UBAP2L: variants seen among roughly 807,000 people sequenced by gnomAD.
UBAP2L encodes ubiquitin associated protein 2 like, also known as ubiquitin-associated protein 2-like.
In UBAP2L, 12 loss-of-function variants were observed where a neutral mutation model predicts 130.6. The observed-to-expected ratio is 0.09, with a 90% CI of 0.06 to 0.15. The LOEUF is 0.15. UBAP2L is among the 10% of genes least tolerant of loss of function. The probability of loss-of-function intolerance (pLI) is 1.00; values close to 1 mark genes in which losing one functional copy is unlikely to be tolerated. For synonymous variants in UBAP2L, 503 were observed against 524.7 expected, an observed-to-expected ratio of 0.96 and a Z score of 0.57; for missense variants, 965 against 1,332.5, an observed-to-expected ratio of 0.72 and a Z score of 4.29.
intron 15 of UBAP2L, 77 bp downstream of exon 15, chr1:154,254,166 T>G (rs912452267): frequency 2.3e-6 from 3 of 1,299,312 alleles, no homozygotes; most frequent in African/African-American, 3.1e-5. Flanking sequence ...GTGTTTTACT[T>G]TTCAGCAAGT....
chr1:154,267,074 G>A (rs969368109), intron 25 of UBAP2L, among the ~76,000 whole-genome samples: 1 of 151,990 alleles, frequency 6.6e-6, no homozygotes, highest in African/African-American at 2.4e-5. Context: ...GGGGGTCTGG[G>A]GGGGCACTTC....
chr1:154,262,465 G>A (rs768900468), intron 24 of UBAP2L, among the ~76,000 whole-genome samples: 12 of 152,152 alleles, frequency 7.9e-5, no homozygotes, highest in Admixed American at 1.3e-4. Context: ...CCTTTTCAGC[G>A]ACTTGTAGAT....
At chr1:154,232,143 A>G (rs1435982144) in intron 4 of UBAP2L, among the ~76,000 whole-genome samples, 1 of 152,132 alleles carries the variant, frequency 6.6e-6, no homozygotes, top group African/African-American at 2.4e-5. Context: ...CCTGGCCAAC[A>G]TGGTGAAACC....
At chr1:154,226,983 C>T (rs1482274214) in intron 2 of UBAP2L, among the ~76,000 whole-genome samples, 4 of 152,102 alleles carry the variant, frequency 2.6e-5, no homozygotes, top group African/African-American at 7.2e-5. Context: ...CCACCACACC[C>T]GGCTAATTTT....
At chr1:154,230,663 T>C (rs1383303985) in intron 4 of UBAP2L, among the ~76,000 whole-genome samples, 2 of 152,208 alleles carry the variant, frequency 1.3e-5, no homozygotes, top group African/African-American at 2.4e-5. Flanking sequence ...ATCTTCTGTC[T>C]AGTGCTATAA....
At chr1:154,264,093 A>G (rs1467867596) in intron 24 of UBAP2L, among the ~76,000 whole-genome samples, 2 of 152,196 alleles carry the variant, frequency 1.3e-5, no homozygotes, top group African/African-American at 2.4e-5. Context: ...GTTTGGTCAG[A>G]TATCTCCTTG....
At chr1:154,221,032 CG>C in intron 1 of UBAP2L, 57 bp downstream of exon 1, 1 of 206,276 alleles carries the variant, frequency 4.8e-6, no homozygotes, top group Non-Finnish European at 9.9e-6. Context: ...GGCAGCGCGG[CG>C]GGGCCGGGTA....
At chr1:154,241,311 C>T (rs1033838057) in intron 8 of UBAP2L, among the ~76,000 whole-genome samples, 2 of 152,138 alleles carry the variant, frequency 1.3e-5, no homozygotes, top group African/African-American at 4.8e-5. Flanking sequence ...TGGTCTCGAA[C>T]TCCCGACCTC....
At position 154,221,642 on chromosome 1, in the gene UBAP2L, GA is replaced by G. The variant is rs1021903727; in HGVS notation, c.-41+668del. 9.2e-5 allele frequency among the ~76,000 whole-genome samples: 14 copies of G among 152,320 alleles called. No homozygotes were observed. In the South Asian group the frequency reaches 1.9e-3, roughly 20 times the overall value. On this transcript the variant is annotated intron_variant, in intron 1 of 26. Coordinates refer to ENST00000428931, the MANE Select transcript of UBAP2L (RefSeq NM_014847.4). ...CCCCGTGGGCTCTCGATGTGGCGCT[GA>G]GGGGGGTGAGCCTCCCATCCTCCAC...
chr1:154,249,292 T>C lies in UBAP2L; in HGVS notation c.1068T>C (p.Ser356=), dbSNP rs374813364. ...FGDVGEAKGG[S]TTGSQFLEQF... ...ATGTCGGTGAAGCTAAAGGCGGCAG[T>C]ACTACAGGCTCCCAGTTCTTGGAGC... Residue 356 remains serine, a synonymous_variant, in exon 12 of 27, where the codon AGT becomes AGC. Transcript: ENST00000428931. 2.2e-5 allele frequency: 35 copies of C among 1,614,050 alleles called. No homozygotes were observed. The highest frequency in any genetic ancestry group is 2.9e-5 in the Non-Finnish European group (34 of 1,180,044).
In UBAP2L at chr1:154,240,463, C is replaced by T. The variant is rs560179694; in HGVS notation, c.704-1050C>T. 2.0e-5 allele frequency among the ~76,000 whole-genome samples: 3 copies of T among 152,244 alleles called. No homozygotes were observed. In the South Asian group the frequency reaches 6.2e-4, roughly 32 times the overall value. The stretch of plus-strand genomic sequence containing the variant: ...CAGTGTATACTCCCGTTGTCTGTGC[C>T]ATGACCATAGCAGGTCAGGTTTCAA... On this transcript the variant is annotated intron_variant, in intron 8 of 26. Coordinates refer to ENST00000428931, the MANE Select transcript of UBAP2L (RefSeq NM_014847.4).
intron 4 of UBAP2L, among the ~76,000 whole-genome samples, chr1:154,230,488 T>G (rs1179070197): frequency 6.6e-6 from 1 of 152,240 alleles, no homozygotes; most frequent in African/African-American, 2.4e-5. Flanking sequence ...TGACCTTATT[T>G]GAATATTTAC....
intron 10 of UBAP2L, among the ~76,000 whole-genome samples, chr1:154,245,042 C>T (rs1166208133): frequency 1.3e-5 from 2 of 152,164 alleles, no homozygotes; most frequent in African/African-American, 4.8e-5. Context: ...AGCGATTCTC[C>T]TGCCTCAGCC....
chr1:154,250,352 A>ATT lies in UBAP2L; in HGVS notation c.1214-681_1214-680dup, dbSNP rs34620231. Among the ~76,000 whole-genome samples, 8 of 151,342 alleles carry ATT rather than the reference A, an allele frequency of 5.3e-5. No individual in the cohort carries two copies. In the East Asian group the frequency reaches 9.7e-4, roughly 18 times the overall value. ...CAGGCGTGAGCCATTGCACCTGGCC[A>ATT]TTTTTTTTTCCTCATCAACATTATA... On this transcript the variant is annotated intron_variant, in intron 12 of 26. Transcript: ENST00000428931.
chr1:154,256,409 G>A (rs753601912), intron 18 of UBAP2L, among the ~76,000 whole-genome samples: 2 of 152,176 alleles, frequency 1.3e-5, no homozygotes, highest in Non-Finnish European at 2.9e-5. Flanking sequence ...GGCCAAGGCA[G>A]GAGGATTGCT....
intron 4 of UBAP2L, among the ~76,000 whole-genome samples, chr1:154,230,948 T>C (rs1001853192): frequency 2.6e-5 from 4 of 152,214 alleles, no homozygotes; most frequent in Admixed American, 2.0e-4. Context: ...GGTTTTGAGA[T>C]AGCAGCATAA....
chr1:154,259,924 G>A, intron 21 of UBAP2L, 24 bp from the exon 22 acceptor site: 1 of 1,605,996 alleles, frequency 6.2e-7, no homozygotes, highest in Non-Finnish European at 8.5e-7. Flanking sequence ...TTGAATCTCT[G>A]CTCTTTTTTC....
chr1:154,270,566 C>T lies in UBAP2L; in HGVS notation c.*271C>T, dbSNP rs1168939882. Reference sequence around the variant, plus strand: ...CAAGATTATGAAACTTTGCTATGGGCCCTGCACTTCCTTTGCTTCCTCCTG... The same window carrying T: ...CAAGATTATGAAACTTTGCTATGGGTCCTGCACTTCCTTTGCTTCCTCCTG... On this transcript the variant is annotated 3_prime_UTR_variant, in exon 27 of 27. Coordinates refer to ENST00000428931, the MANE Select transcript of UBAP2L (RefSeq NM_014847.4). 4.2e-5 allele frequency: 60 copies of T among 1,422,962 alleles called. No individual in the cohort carries two copies. The South Asian group carries it at 8.0e-4, about 19-fold the overall frequency. The allele number at this position is 1,422,962 out of a possible 1,614,324, so 88.1% of individuals were successfully genotyped here.
rs1571815554 is a variant in UBAP2L, at chr1:154,247,652, C to G, written c.1014+1277C>G. On this transcript the variant is annotated intron_variant, in intron 11 of 26. Coordinates refer to ENST00000428931, the MANE Select transcript of UBAP2L (RefSeq NM_014847.4). ...GCTGAAGTGGGAGGATTGCTTGAGA[C>G]TAGGAGTTCAAGACTATAGTGAGCT... Among the ~76,000 whole-genome samples, 2 of 152,258 alleles carry G rather than the reference C, an allele frequency of 1.3e-5. 1 individual carries two copies. Among genetic ancestry groups the G allele is most frequent in the Middle Eastern group, 6.8e-3 (2 of 294 alleles).
Sources: allele counts gnomAD v4.1 joint callset (sites outside exome capture counted in the v4.1 genomes callset), GRCh38; gene constraint gnomAD v4.1.1; transcripts MANE v1.5; gene names NCBI Gene and HGNC (gene_info 2026-07-23, HGNC 2026-07-21).